The following SV2C variants were observed in gnomAD, a reference collection of about 807,000 sequenced individuals.
The protein encoded by SV2C is synaptic vesicle glycoprotein 2C, also known as solute carrier family 22 member B3.
Under a neutral mutation model 79.7 loss-of-function variants are expected in SV2C, and 49 were observed. The ratio of observed to expected loss-of-function variants is 0.61; its 90% CI spans 0.49 to 0.78. The LOEUF (loss-of-function observed/expected upper bound fraction) is 0.78, where lower values mean the gene tolerates loss of function less well. Among genes scored for constraint, SV2C ranks in the 30% least tolerant of loss-of-function variants. The probability of loss-of-function intolerance (pLI) is 0.00; values close to 1 mark genes in which losing one functional copy is unlikely to be tolerated. For synonymous variants in SV2C, 334 were observed against 333.2 expected (o/e 1.00, Z -0.03); for missense variants, 833 against 912.9 (o/e 0.91, Z 1.13).
chr5:76,348,410 C>G (rs1331032833), intron 12 of SV2C, among the ~76,000 whole-genome samples: 1 of 152,176 alleles, frequency 6.6e-6, no homozygotes, highest in African/African-American at 2.4e-5. Context: ...CATCCATATG[C>G]AAGTTTTTGT....
chr5:76,143,286 A>G (rs573709575), intron 2 of SV2C, among the ~76,000 whole-genome samples: 231 of 152,244 alleles, frequency 1.5e-3, no homozygotes, highest in Non-Finnish European at 2.2e-3. Context: ...TGGTCAGATG[A>G]TGAGACACAG....
chr5:76,049,330 A>AG, the SV2C span, among the ~76,000 whole-genome samples: 1 of 150,910 alleles, frequency 6.6e-6, no homozygotes, highest in African/African-American at 2.5e-5. Context: ...GAGCGAAAAA[A>AG]AAAAAAAAGA....
intron 1 of SV2C, among the ~76,000 whole-genome samples, chr5:76,119,755 T>C (rs967600750): frequency 1.3e-5 from 2 of 152,006 alleles, no homozygotes; most frequent in Admixed American, 1.3e-4. Flanking sequence ...AACAGCCTTA[T>C]GGGGAAGCTC....
the SV2C span, among the ~76,000 whole-genome samples, chr5:75,898,957 CT>C: frequency 1.3e-5 from 2 of 151,334 alleles, no homozygotes; most frequent in Non-Finnish European, 2.9e-5. Context: ...ATTCTTCTTT[CT>C]TTTTTTCTTT....
At chr5:76,245,911 A>AGTGTGTGTGTGT (rs58481475) in intron 4 of SV2C, among the ~76,000 whole-genome samples, 4 of 145,294 alleles carry the variant, frequency 2.8e-5, no homozygotes, top group African/African-American at 1.1e-4. Context: ...GAGGCAGGGG[A>AGTGTGTGTGTGT]GTGTGTGTGT....
At chr5:75,920,643 G>T in the SV2C span, 1 of 627,268 alleles carries the variant, frequency 1.6e-6, no homozygotes, top group African/African-American at 1.8e-5. Flanking sequence ...TGGGTGGTGG[G>T]GGGTGGGTGG....
the SV2C span, among the ~76,000 whole-genome samples, chr5:76,018,103 G>A: frequency 6.6e-6 from 1 of 152,166 alleles, no homozygotes; most frequent in Admixed American, 6.5e-5. Context: ...TCCCTGGGTG[G>A]CCTGATTCTA....
At chr5:76,016,517 A>G in the SV2C span, among the ~76,000 whole-genome samples, 3 of 152,152 alleles carry the variant, frequency 2.0e-5, no homozygotes, top group Admixed American at 6.5e-5. Flanking sequence ...CAGATATTGA[A>G]CTTGAAACCT....
the SV2C span, among the ~76,000 whole-genome samples, chr5:75,913,742 G>A: frequency 6.6e-6 from 1 of 152,178 alleles, no homozygotes; most frequent in African/African-American, 2.4e-5. Flanking sequence ...CCCTGTTTCA[G>A]AAATGGAGCT....
At chr5:76,139,488 G>A (rs717990) in intron 2 of SV2C, among the ~76,000 whole-genome samples, 2,436 of 152,240 alleles carry the variant, frequency 0.016, 55 homozygotes, top group African/African-American at 0.051. Flanking sequence ...CATTTTAATT[G>A]GCCAACTGGC....
intron 4 of SV2C, chr5:76,242,177 G>A (rs878917015): frequency 7.4e-6 from 8 of 1,079,136 alleles, no homozygotes; most frequent in African/African-American, 4.6e-5. Context: ...CCTTTTAGGC[G>A]TGGGCTCTGG....
the SV2C span, among the ~76,000 whole-genome samples, chr5:75,968,441 G>A: frequency 1.3e-5 from 2 of 152,120 alleles, no homozygotes; most frequent in South Asian, 2.1e-4. Flanking sequence ...AAAATTAGAT[G>A]AATGGACGAC....
the SV2C span, among the ~76,000 whole-genome samples, chr5:75,907,402 G>A: frequency 6.6e-6 from 1 of 152,148 alleles, no homozygotes; most frequent in African/African-American, 2.4e-5. Context: ...AGGTTCTGGG[G>A]CCAGTAATGT....
At chr5:75,999,176 C>T in the SV2C span, among the ~76,000 whole-genome samples, 1 of 152,070 alleles carries the variant, frequency 6.6e-6, no homozygotes, top group Non-Finnish European at 1.5e-5. Flanking sequence ...GATTCAATTA[C>T]CTCCCACCAG....
At chr5:75,888,833 C>A in the SV2C span, among the ~76,000 whole-genome samples, 1 of 152,014 alleles carries the variant, frequency 6.6e-6, no homozygotes, top group Non-Finnish European at 1.5e-5. Context: ...GCATATTATC[C>A]TTTATATTAG....
chr5:76,268,673 T>C (rs955137315), intron 4 of SV2C, among the ~76,000 whole-genome samples: 1 of 152,212 alleles, frequency 6.6e-6, no homozygotes, highest in African/African-American at 2.4e-5. Context: ...ATTTATAAGC[T>C]GTGGGTGTTT....
chr5:76,041,086 C>T, the SV2C span, among the ~76,000 whole-genome samples: 1 of 152,142 alleles, frequency 6.6e-6, no homozygotes, highest in African/African-American at 2.4e-5. Context: ...CCTCTTCAAG[C>T]TTGTACCAGG....
At chr5:76,022,198 T>C in the SV2C span, among the ~76,000 whole-genome samples, 3 of 152,200 alleles carry the variant, frequency 2.0e-5, no homozygotes, top group African/African-American at 7.2e-5. Context: ...GATGATTTGC[T>C]TTTCTCAGCA....
chr5:76,114,166 G>A (rs188445396), intron 1 of SV2C, among the ~76,000 whole-genome samples: 194 of 152,280 alleles, frequency 1.3e-3, no homozygotes, highest in Middle Eastern at 6.8e-3. Context: ...GAGCACCGGT[G>A]GAGATGTTCA....
Sources: allele counts gnomAD v4.1 joint callset (sites outside exome capture counted in the v4.1 genomes callset), GRCh38; gene constraint gnomAD v4.1.1; transcripts MANE v1.5; gene names NCBI Gene and HGNC (gene_info 2026-07-23, HGNC 2026-07-21).